The following MTERF1 variants were observed in gnomAD, a reference collection of about 807,000 sequenced individuals.
MTERF1 encodes the protein mitochondrial transcription termination factor 1, also known as transcription termination factor 1, mitochondrial.
In MTERF1, 29 loss-of-function variants were observed where a neutral mutation model predicts 31.6. That is an observed-to-expected ratio of 0.92 (90% CI 0.68 to 1.25). The LOEUF (loss-of-function observed/expected upper bound fraction) is 1.25. MTERF1 is among the 50% of genes most tolerant of loss of function. MTERF1 has a pLI of 0.00. For synonymous variants in MTERF1, 152 were observed against 164.1 expected (o/e 0.93, Z 0.57); for missense variants, 500 against 469.1 (o/e 1.07, Z -0.61).
chr7:91,873,882 T>C lies in MTERF1; in HGVS notation c.912A>G (p.Gly304=), dbSNP rs1387189125. The C allele has an allele frequency of 2.5e-6, 4 of 1,613,992 alleles. No homozygotes were observed. Among genetic ancestry groups the C allele is most frequent in the South Asian group, 1.1e-5 (1 of 91,090 alleles). Residue 304 remains glycine, a synonymous_variant, in exon 3 of 3, where the codon GGA becomes GGG. Coordinates refer to ENST00000351870, the MANE Select transcript of MTERF1 (RefSeq NM_006980.5). ...ANIKEKLFSL[G]CTEEEVQKFV... The stretch of plus-strand genomic sequence containing the variant: ...ACTTCTGTACCTCTTCTTCAGTACA[T>C]CCAAGAGAAAACAGCTTCTCTTTGA...
intron 2 of MTERF1, chr7:91,876,778 G>T: frequency 4.7e-6 from 2 of 428,308 alleles, no homozygotes; most frequent in Non-Finnish European, 6.2e-6. Flanking sequence ...TCACTTCTCC[G>T]TAATACCACA....
At position 91,872,927 on chromosome 7, in the gene MTERF1, C is replaced by T. The variant is rs1040681796; in HGVS notation, c.*667G>A. The T allele has an allele frequency of 6.6e-6, 1 of 152,074 alleles. No individual in the cohort carries two copies. The highest frequency in any genetic ancestry group is 1.5e-5 in the Non-Finnish European group (1 of 68,000). 9.4% of individuals were successfully genotyped at this position (152,074 alleles called of 1,614,324 possible). Reference sequence around the variant, plus strand: ...TATTCCTTTATTTAGATTTTATATTCACATTTAGTTTTTTATGCACACATT... The same window carrying T: ...TATTCCTTTATTTAGATTTTATATTTACATTTAGTTTTTTATGCACACATT... On this transcript the variant is annotated 3_prime_UTR_variant, in exon 3 of 3. Coordinates refer to ENST00000351870, the MANE Select transcript of MTERF1 (RefSeq NM_006980.5).
intron 2 of MTERF1, among the ~76,000 whole-genome samples, chr7:91,879,395 G>A (rs1426565487): frequency 6.6e-6 from 1 of 151,956 alleles, no homozygotes; most frequent in African/African-American, 2.4e-5. Context: ...AGGCGGGGAG[G>A]GGGACGTTAA....
At chr7:91,879,830 A>G (rs7780857) in intron 2 of MTERF1, among the ~76,000 whole-genome samples, 2 of 152,200 alleles carry the variant, frequency 1.3e-5, no homozygotes, top group African/African-American at 4.8e-5. Flanking sequence ...AACCAAAACC[A>G]TTATCCAAAG....
chr7:91,875,435 T>G (rs1484227188), intron 2 of MTERF1, among the ~76,000 whole-genome samples: 1 of 152,034 alleles, frequency 6.6e-6, no homozygotes, highest in Non-Finnish European at 1.5e-5. Flanking sequence ...TTTTATTTTT[T>G]GTAGAGACAG....
Position 91,871,795 on chromosome 7 carries a change from T to C in MTERF1, c.*1799A>G, listed in dbSNP as rs1789189637. 6.6e-6 allele frequency: 1 copy of C among 152,222 alleles called. No homozygotes were observed. Among genetic ancestry groups the C allele is most frequent in the South Asian group, 2.1e-4 (1 of 4,836 alleles). 9.4% of individuals were successfully genotyped at this position (152,222 alleles called of 1,614,324 possible). A position where few individuals can be genotyped will look rare whatever the true frequency, so the allele number is the denominator to read the frequency against. On this transcript the variant is annotated 3_prime_UTR_variant, in exon 3 of 3. Transcript: ENST00000351870. ...TAGATTGTGGTGATGGTTGCTGCTA[T>C]GGTTTGACTATCCATCCCCTCCAAA...
At position 91,873,664 on chromosome 7, in the gene MTERF1, TTTAAA is replaced by T. The variant is rs1562842630; in HGVS notation, c.1125_1129del (p.Leu376HisfsTer8). The T allele has an allele frequency of 6.2e-7, 1 of 1,614,040 alleles. No homozygotes were observed. The highest frequency in any genetic ancestry group is 8.5e-7 in the Non-Finnish European group (1 of 1,179,986). On this transcript the variant is annotated frameshift_variant, in exon 3 of 3. Transcript: ENST00000351870. LOFTEE classifies it high-confidence loss of function. ...TTTACTCCAAGATAGAAGAGTGATG[TTTAAA>T]GTACTCAAGTTACAGCCAGCATTTA...
intron 2 of MTERF1, 144 bp from the exon 3 acceptor site, chr7:91,874,908 GC>G: frequency 1.8e-6 from 1 of 559,562 alleles, no homozygotes; most frequent in Non-Finnish European, 3.1e-6. Flanking sequence ...TAATAATTCA[GC>G]CACTGCTGAA....
In MTERF1 at chr7:91,873,996, G is replaced by A. The variant is rs776066064; in HGVS notation, c.798C>T (p.Asn266=). ...ATATCAGAACCAGCAGTTCCTCACT[G>A]TTCAAATTGAAAGTTGACCGTAAGA... ...IEFLRSTFNL[N]SEELLVLICG... The change falls in exon 3 of 3, where the codon AAC becomes AAT. Residue 266 remains asparagine, a synonymous_variant. Transcript: ENST00000351870. The A allele has an allele frequency of 6.2e-7, 1 of 1,614,058 alleles. No homozygotes were observed. Among genetic ancestry groups the A allele is most frequent in the Non-Finnish European group, 8.5e-7 (1 of 1,180,020 alleles).
At position 91,874,028 on chromosome 7, in the gene MTERF1, T is replaced by C. The variant is rs2130301205; in HGVS notation, c.766A>G (p.Ile256Val). 1 of 1,614,116 alleles carries C rather than the reference T, an allele frequency of 6.2e-7. No individual in the cohort carries two copies. The highest frequency in any genetic ancestry group is 8.5e-7 in the Non-Finnish European group (1 of 1,180,030). ...IQSTKRVKAN[I>V]EFLRSTFNLN... ...TTGAAAGTTGACCGTAAGAATTCAA[T>C]GTTAGCTTTCACCCGCTTGGTGCTC... is the stretch of plus-strand genomic sequence containing the variant. The change falls in exon 3 of 3, where the codon ATT becomes GTT. Residue 256 changes from isoleucine (I) to valine (V), a missense_variant. Transcript: ENST00000351870.
chr7:91,873,659 T>G lies in MTERF1; in HGVS notation c.1135A>C (p.Thr379Pro), dbSNP rs750956047. The G allele has an allele frequency of 7.4e-6, 12 of 1,613,640 alleles. 1 individual carries two copies. The African/African-American group carries it at 1.1e-4, about 14-fold the overall frequency. ...CTTTTTTTACTCCAAGATAGAAGAG[T>G]GATGTTTAAAGTACTCAAGTTACAG... ...AGCNLSTLNITLLSWSKKRYE... is the reference protein window; with the variant it reads ...AGCNLSTLNIPLLSWSKKRYE... Residue 379 changes from threonine (T) to proline (P), a missense_variant, in exon 3 of 3, where the codon ACT becomes CCT. Coordinates refer to ENST00000351870, the MANE Select transcript of MTERF1 (RefSeq NM_006980.5).
rs1287278703 is a variant in MTERF1, at chr7:91,872,767, C to A, written c.*827G>T. On this transcript the variant is annotated 3_prime_UTR_variant, in exon 3 of 3. Coordinates refer to ENST00000351870, the MANE Select transcript of MTERF1 (RefSeq NM_006980.5). ...AGTTTATGTCAGAGCTAGATTGTAT[C>A]TTGAAAATACCGACATTATCTGATT... The A allele has an allele frequency of 6.6e-6, 1 of 152,128 alleles. No individual in the cohort carries two copies. The highest frequency in any genetic ancestry group is 1.9e-4 in the East Asian group (1 of 5,198). 9.4% of individuals were successfully genotyped at this position (152,128 alleles called of 1,614,324 possible). A position where few individuals can be genotyped will look rare whatever the true frequency, so the allele number is the denominator to read the frequency against.
In MTERF1 at chr7:91,873,830, A is replaced by T; in HGVS notation, c.964T>A (p.Phe322Ile). The stretch of plus-strand genomic sequence containing the variant: ...TCATTAAACTTTTTCTCTGCCAAGA[A>T]GATCACATCTGGATAGCTTAAGACA... ...KFVLSYPDVI[F>I]LAEKKFNDKI... The change falls in exon 3 of 3, where the codon TTC (phenylalanine) becomes ATC (isoleucine). Residue 322 changes from phenylalanine to isoleucine, a missense_variant. Coordinates refer to ENST00000351870, the MANE Select transcript of MTERF1 (RefSeq NM_006980.5). The T allele has an allele frequency of 6.2e-7, 1 of 1,614,186 alleles. No homozygotes were observed. Among genetic ancestry groups the T allele is most frequent in the Non-Finnish European group, 8.5e-7 (1 of 1,180,026 alleles).
intron 1 of MTERF1, 138 bp downstream of exon 1, chr7:91,880,519 C>A: frequency 5.2e-6 from 1 of 192,310 alleles, no homozygotes; most frequent in Non-Finnish European, 1.1e-5. Flanking sequence ...CAAGGTAATT[C>A]CACACCGAAG....
In MTERF1 at chr7:91,874,445, T is replaced by C. The variant is rs148655332; in HGVS notation, c.349A>G (p.Ser117Gly). 1 of 1,614,118 alleles carries C rather than the reference T, an allele frequency of 6.2e-7. No homozygotes were observed. Among genetic ancestry groups the C allele is most frequent in the African/African-American group, 1.3e-5 (1 of 75,066 alleles). ...ATGATGCTAGCGATCACTTCTTTGC[T>C]AGCTCCTTTGGAAAGAAGGAACATC... ...LKMFLLSKGA[S>G]KEVIASIISR... Residue 117 changes from serine (S) to glycine (G), a missense_variant, in exon 3 of 3, where the codon AGC (serine) becomes GGC (glycine). Coordinates refer to ENST00000351870, the MANE Select transcript of MTERF1 (RefSeq NM_006980.5).
rs1428203154 is a variant in MTERF1 at position 91,871,197 on chromosome 7, T to C, written c.*2397A>G. On this transcript the variant is annotated 3_prime_UTR_variant, in exon 3 of 3. Transcript: ENST00000351870. ...CATTATCTGTTTGTTTCTCCAAAGTTTTCCTTCCCCCATCCCCTACTGCCC... is the reference window on the plus strand; with the variant it reads ...CATTATCTGTTTGTTTCTCCAAAGTCTTCCTTCCCCCATCCCCTACTGCCC... The C allele has an allele frequency of 6.6e-6, 1 of 152,458 alleles. No individual in the cohort carries two copies. The highest frequency in any genetic ancestry group is 1.9e-4 in the East Asian group (1 of 5,206). 9.4% of individuals were successfully genotyped at this position (152,458 alleles called of 1,614,324 possible).
intron 2 of MTERF1, among the ~76,000 whole-genome samples, chr7:91,877,233 G>A (rs1309873777): frequency 1.3e-5 from 2 of 152,104 alleles, no homozygotes; most frequent in South Asian, 2.1e-4. Flanking sequence ...TTAGCATCAT[G>A]GTAAACAGGC....
chr7:91,876,755 A>C (rs1183352465), intron 2 of MTERF1: 1 of 249,372 alleles, frequency 4.0e-6, no homozygotes. Flanking sequence ...TACTCTACTG[A>C]GCTCACTATT....
At chr7:91,874,961 G>T (rs1401392475) in intron 2 of MTERF1, among the ~76,000 whole-genome samples, 197 bp from the exon 3 acceptor site, 1 of 151,934 alleles carries the variant, frequency 6.6e-6, no homozygotes, top group Non-Finnish European at 1.5e-5. Flanking sequence ...ATTTGTCTTA[G>T]CCTTTGAAAA....
Sources: allele counts gnomAD v4.1 joint callset (sites outside exome capture counted in the v4.1 genomes callset), GRCh38; gene constraint gnomAD v4.1.1; transcripts MANE v1.5; gene names NCBI Gene and HGNC (gene_info 2026-07-23, HGNC 2026-07-21).